Variants in CUX1 observed in about 807,000 individuals in gnomAD.
The protein encoded by CUX1 is protein CASP.
Under a neutral mutation model 158.8 loss-of-function variants are expected in CUX1, and 31 were observed. The ratio of observed to expected loss-of-function variants is 0.20; its 90% CI spans 0.15 to 0.26. The LOEUF is 0.26. Ranked by LOEUF, CUX1 falls within the 10% of genes least tolerant of loss-of-function variation. CUX1 has a pLI of 1.00. For missense variants in CUX1, 1,589 were observed against 2,014.6 expected, an observed-to-expected ratio of 0.79 and a Z score of 4.04; for synonymous variants, 879 against 862.1, an observed-to-expected ratio of 1.02 and a Z score of -0.34.
intron 2 of CUX1, among the ~76,000 whole-genome samples, chr7:101,993,056 G>T (rs1020731723): frequency 6.6e-6 from 1 of 152,142 alleles, no homozygotes; most frequent in African/African-American, 2.4e-5. Flanking sequence ...TGGGCCAGGC[G>T]TTGTGGTTCA....
chr7:102,275,170 G>A lies in CUX1; in HGVS notation c.1451-77G>A, dbSNP rs921344728. ...CATTTGGCAGAAATCCCCCAGGGCT[G>A]GGGGACCCACCCCAAAGGGCCGCCT... On this transcript the variant is annotated intron_variant, in intron 16 of 22. Coordinates refer to the CUX1 transcript ENST00000292538. 3.0e-5 allele frequency: 31 copies of A among 1,044,674 alleles called. No homozygotes were observed. In the Middle Eastern group the frequency reaches 6.9e-4, roughly 23 times the overall value. The allele number at this position is 1,044,674 out of a possible 1,614,324, so 64.7% of individuals were successfully genotyped here.
intron 14 of CUX1, among the ~76,000 whole-genome samples, chr7:102,266,087 C>G (rs1333952656): frequency 1.3e-5 from 2 of 151,756 alleles, no homozygotes; most frequent in African/African-American, 4.8e-5. Context: ...GCTTGTAGTC[C>G]CAGCTGCTCG....
Position 102,280,906 on chromosome 7 carries a change from C to T in CUX1, c.1821+46C>T, listed in dbSNP as rs536308146. ...ACCCCCTCCCTGGACAGGCCTGAGC[C>T]TCTGTCTCCAGGCACCTCTTCACCT... On this transcript the variant is annotated intron_variant, in intron 20 of 22. Transcript: ENST00000292538. 8.3e-6 allele frequency: 13 copies of T among 1,575,166 alleles called. No individual in the cohort carries two copies. The East Asian group carries it at 2.7e-4, about 33-fold the overall frequency.
intron 3 of CUX1, among the ~76,000 whole-genome samples, chr7:102,066,255 C>T (rs1825532974): frequency 6.6e-6 from 1 of 152,090 alleles, no homozygotes; most frequent in Non-Finnish European, 1.5e-5. Flanking sequence ...GACATCCTAC[C>T]TGTCTACATG....
At chr7:102,269,058 T>A (rs1281384600) in intron 14 of CUX1, among the ~76,000 whole-genome samples, 5 of 151,766 alleles carry the variant, frequency 3.3e-5, no homozygotes, top group African/African-American at 4.8e-5. Context: ...CATCTCAGCC[T>A]CCCTAGTAGC....
Position 102,252,736 on chromosome 7 carries a change from A to G in CUX1, c.*3694A>G, listed in dbSNP as rs1000443202. 45 of 984,924 alleles carry G rather than the reference A, an allele frequency of 4.6e-5. No individual in the cohort carries two copies. The highest frequency in any genetic ancestry group is 5.2e-5 in the Non-Finnish European group (43 of 829,898). 61.0% of individuals were successfully genotyped at this position (984,924 alleles called of 1,614,324 possible). On this transcript the variant is annotated 3_prime_UTR_variant, in exon 24 of 24. Coordinates refer to ENST00000292535, the MANE Select transcript of CUX1 (RefSeq NM_181552.4). Reference sequence around the variant, plus strand: ...GAGGAGTCTTCTGTCCTCCTCCCCAACCCCCGAGCTCCCTGGTAACCTCCT... The same window carrying G: ...GAGGAGTCTTCTGTCCTCCTCCCCAGCCCCCGAGCTCCCTGGTAACCTCCT...
At chr7:101,883,142 C>T (rs888583756) in intron 1 of CUX1, among the ~76,000 whole-genome samples, 1 of 152,118 alleles carries the variant, frequency 6.6e-6, no homozygotes, top group African/African-American at 2.4e-5. Context: ...CTCATTTCGT[C>T]ATCTTCCTAT....
intron 2 of CUX1, among the ~76,000 whole-genome samples, chr7:101,926,854 C>G (rs546710518): frequency 6.6e-6 from 1 of 152,172 alleles, no homozygotes; most frequent in Non-Finnish European, 1.5e-5. Flanking sequence ...AACAAACACC[C>G]TCCTCTCTTC....
chr7:102,063,606 T>G (rs1436272532), intron 3 of CUX1, among the ~76,000 whole-genome samples: 1 of 152,106 alleles, frequency 6.6e-6, no homozygotes, highest in African/African-American at 2.4e-5. Flanking sequence ...TTGGCCAGGC[T>G]GGTCTCGAAC....
intron 3 of CUX1, among the ~76,000 whole-genome samples, chr7:102,035,433 C>T (rs1225963234): frequency 1.3e-5 from 2 of 151,840 alleles, no homozygotes; most frequent in Non-Finnish European, 2.9e-5. Flanking sequence ...TGATGTTTGC[C>T]AGGTTAGTTT....
chr7:101,842,728 G>A (rs1562916425), intron 1 of CUX1, among the ~76,000 whole-genome samples: 1 of 151,156 alleles, frequency 6.6e-6, no homozygotes, highest in Admixed American at 6.6e-5. Context: ...TTAGGTTAAG[G>A]CTGTACTGTT....
At chr7:102,172,807 A>T (rs1181555632) in intron 10 of CUX1, among the ~76,000 whole-genome samples, 2 of 152,220 alleles carry the variant, frequency 1.3e-5, no homozygotes, top group Non-Finnish European at 2.9e-5. Flanking sequence ...CACACCTGTA[A>T]TCCCAGCCCT....
chr7:102,120,851 C>T (rs201674821), intron 8 of CUX1, among the ~76,000 whole-genome samples: 2 of 151,958 alleles, frequency 1.3e-5, no homozygotes, highest in Non-Finnish European at 1.5e-5. Flanking sequence ...ATCACTTGAG[C>T]CCAAGAGTTT....
intron 20 of CUX1, among the ~76,000 whole-genome samples, chr7:102,210,467 G>C (rs1156989923): frequency 6.6e-6 from 1 of 152,052 alleles, no homozygotes; most frequent in Non-Finnish European, 1.5e-5. Context: ...CAAACTCCTG[G>C]CCTCCCAAAG....
chr7:102,216,545 CA>C, intron 20 of CUX1, among the ~76,000 whole-genome samples: 1 of 82,184 alleles, frequency 1.2e-5, no homozygotes, highest in Non-Finnish European at 2.6e-5. Context: ...CACACACACA[CA>C]CCCACACACG....
chr7:101,878,819 C>T (rs1233934087), intron 1 of CUX1, among the ~76,000 whole-genome samples: 6 of 151,900 alleles, frequency 3.9e-5, no homozygotes, highest in East Asian at 1.9e-4. Context: ...ATTACAGGCG[C>T]GCACCACCAT....
At chr7:102,171,153 T>G (rs971958720) in intron 10 of CUX1, among the ~76,000 whole-genome samples, 2 of 152,110 alleles carry the variant, frequency 1.3e-5, no homozygotes, top group Non-Finnish European at 2.9e-5. Flanking sequence ...GTTTCCAGAC[T>G]CTCTTTCAAT....
intron 2 of CUX1, among the ~76,000 whole-genome samples, chr7:102,019,240 T>C (rs1819053515): frequency 1.3e-5 from 2 of 151,932 alleles, no homozygotes; most frequent in South Asian, 4.2e-4. Context: ...TGTTTGTTTG[T>C]TTTTTGAGAC....
At chr7:101,921,976 A>G (rs1212905130) in intron 2 of CUX1, among the ~76,000 whole-genome samples, 1 of 152,004 alleles carries the variant, frequency 6.6e-6, no homozygotes, top group Non-Finnish European at 1.5e-5. Context: ...AAGATTAGCC[A>G]GGATGGTGGT....
Sources: allele counts gnomAD v4.1 joint callset (sites outside exome capture counted in the v4.1 genomes callset), GRCh38; gene constraint gnomAD v4.1.1; transcripts MANE v1.5; gene names NCBI Gene and HGNC (gene_info 2026-07-23, HGNC 2026-07-21).